The following OR9Q1 variants were observed in gnomAD, a reference collection of about 807,000 sequenced individuals.
The protein encoded by OR9Q1 is olfactory receptor 9Q1.
For missense variants in OR9Q1, 374 were observed against 378.8 expected (o/e 0.99, Z 0.11); for synonymous variants, 153 against 148.6 (o/e 1.03, Z -0.22).
rs76311514 is a variant in OR9Q1, at chr11:58,168,003, C to T, written c.-14-11428C>T. On this transcript the variant is annotated intron_variant, in intron 2 of 2. Coordinates refer to ENST00000335397, the MANE Select transcript of OR9Q1 (RefSeq NM_001005212.4). ...AGGCATTCAAAAGGGAGGCTGTTGA[C>T]TGAATTCATCAATACAATCAACACG... is the stretch of plus-strand genomic sequence containing the variant. 4.1e-3 allele frequency among the ~76,000 whole-genome samples: 622 copies of T among 152,274 alleles called. 15 individuals carry two copies. Among genetic ancestry groups the T allele is most frequent in the East Asian group, 0.031 (158 of 5,174 alleles).
intron 2 of OR9Q1, among the ~76,000 whole-genome samples, chr11:58,093,986 CT>C (rs1186161911): frequency 8.5e-5 from 13 of 152,158 alleles, no homozygotes; most frequent in African/African-American, 3.1e-4. Flanking sequence ...AAAAATATGC[CT>C]GCACTCATAT....
At chr11:58,056,977 T>C (rs569375885) in intron 2 of OR9Q1, among the ~76,000 whole-genome samples, 1 of 144,236 alleles carries the variant, frequency 6.9e-6, no homozygotes, top group East Asian at 2.1e-4. Flanking sequence ...TCCATGGTTA[T>C]ACAATTCAGG....
At chr11:58,161,760 G>A (rs1032251524) in intron 2 of OR9Q1, among the ~76,000 whole-genome samples, 1 of 152,082 alleles carries the variant, frequency 6.6e-6, no homozygotes, top group Non-Finnish European at 1.5e-5. Flanking sequence ...TCGAACTCCC[G>A]GCCTCAGGTG....
chr11:58,161,994 C>A (rs975848153), intron 2 of OR9Q1, among the ~76,000 whole-genome samples: 1 of 152,198 alleles, frequency 6.6e-6, no homozygotes, highest in Non-Finnish European at 1.5e-5. Flanking sequence ...TAGAGCTCCA[C>A]GTAGGTGCTA....
intron 1 of OR9Q1, chr11:58,047,401 T>A (rs749518628): frequency 2.0e-5 from 3 of 152,196 alleles, no homozygotes; most frequent in Non-Finnish European, 4.4e-5. Flanking sequence ...AGTCAAAGTG[T>A]CCAACAATGG....
At chr11:58,167,830 T>C (rs1476220287) in intron 2 of OR9Q1, among the ~76,000 whole-genome samples, 1 of 152,164 alleles carries the variant, frequency 6.6e-6, no homozygotes, top group Non-Finnish European at 1.5e-5. Context: ...AGTAGAAGTG[T>C]GCAAGGTCTC....
intron 1 of OR9Q1, among the ~76,000 whole-genome samples, chr11:58,038,508 T>G (rs1199500908): frequency 1.3e-5 from 2 of 152,154 alleles, no homozygotes; most frequent in African/African-American, 2.4e-5. Flanking sequence ...TCTGGACAAA[T>G]AAGACTTATT....
intron 1 of OR9Q1, among the ~76,000 whole-genome samples, chr11:58,053,632 A>ATAT (rs1554965512): frequency 1.7e-5 from 2 of 118,684 alleles, no homozygotes; most frequent in Non-Finnish European, 3.5e-5. Flanking sequence ...TATATAAAAT[A>ATAT]TATATATATA....
intron 1 of OR9Q1, chr11:58,030,874 C>A: frequency 1.2e-6 from 1 of 856,016 alleles, no homozygotes; most frequent in Non-Finnish European, 1.9e-6. Context: ...TTTAGTACAA[C>A]ATCCTCCAAC....
chr11:58,115,335 TAAAG>T (rs1253109303), intron 2 of OR9Q1, among the ~76,000 whole-genome samples: 1 of 152,236 alleles, frequency 6.6e-6, no homozygotes, highest in African/African-American at 2.4e-5. Flanking sequence ...CTAAAGCAAA[TAAAG>T]CAATTCCTAA....
intron 2 of OR9Q1, among the ~76,000 whole-genome samples, chr11:58,158,721 C>T (rs570619014): frequency 6.6e-6 from 1 of 152,230 alleles, no homozygotes; most frequent in African/African-American, 2.4e-5. Context: ...GTTTGAGACC[C>T]TTCTGCAGGA....
chr11:58,053,113 G>T (rs953735624), intron 1 of OR9Q1, among the ~76,000 whole-genome samples: 1 of 151,712 alleles, frequency 6.6e-6, no homozygotes, highest in Non-Finnish European at 1.5e-5. Flanking sequence ...ATACCCAAAG[G>T]ACTATAAATC....
intron 2 of OR9Q1, among the ~76,000 whole-genome samples, chr11:58,157,832 G>C (rs1189960402): frequency 6.6e-6 from 1 of 152,214 alleles, no homozygotes. Flanking sequence ...AGAAGCAGAC[G>C]TGAGCAGGGA....
chr11:58,154,300 A>G (rs1411395680), intron 2 of OR9Q1, among the ~76,000 whole-genome samples: 1 of 152,060 alleles, frequency 6.6e-6, no homozygotes, highest in Admixed American at 6.6e-5. Flanking sequence ...TGGCCTGGAG[A>G]CACAAGGTCT....
intron 2 of OR9Q1, among the ~76,000 whole-genome samples, chr11:58,159,640 T>C (rs570133079): frequency 1.3e-5 from 2 of 152,280 alleles, no homozygotes; most frequent in East Asian, 1.9e-4. Flanking sequence ...GTGTGAAGAA[T>C]TGACAAAAGA....
intron 1 of OR9Q1, among the ~76,000 whole-genome samples, chr11:58,043,024 T>C (rs1455931616): frequency 6.6e-6 from 1 of 152,222 alleles, no homozygotes; most frequent in African/African-American, 2.4e-5. Flanking sequence ...TGAAGTTGCT[T>C]ATCAGCTTAA....
At chr11:58,108,565 C>G (rs140550388) in intron 2 of OR9Q1, among the ~76,000 whole-genome samples, 1 of 152,110 alleles carries the variant, frequency 6.6e-6, no homozygotes, top group Non-Finnish European at 1.5e-5. Context: ...TTGCATTTTC[C>G]TCTACAGGAC....
intron 2 of OR9Q1, among the ~76,000 whole-genome samples, chr11:58,170,084 G>A (rs1052675906): frequency 6.6e-6 from 1 of 152,082 alleles, no homozygotes. Flanking sequence ...TTGGTATGTT[G>A]CTTTGCTGCC....
intron 2 of OR9Q1, among the ~76,000 whole-genome samples, chr11:58,081,161 G>A: frequency 6.6e-6 from 1 of 152,014 alleles, no homozygotes; most frequent in Non-Finnish European, 1.5e-5. Flanking sequence ...CCTTTTTTGT[G>A]GCTGCATAGT....
Sources: allele counts gnomAD v4.1 joint callset (sites outside exome capture counted in the v4.1 genomes callset), GRCh38; gene constraint gnomAD v4.1.1; transcripts MANE v1.5; gene names NCBI Gene and HGNC (gene_info 2026-07-23, HGNC 2026-07-21).